The following FANCM variants were observed in gnomAD, a reference collection of about 807,000 sequenced individuals.
FANCM encodes Fanconi anemia group M protein.
FANCM carries 140 observed loss-of-function variants against 199.5 expected under a neutral mutation model. That is an observed-to-expected ratio of 0.70 (90% CI 0.61 to 0.81). The LOEUF (loss-of-function observed/expected upper bound fraction) is 0.81, where lower values mean the gene tolerates loss of function less well. Among genes scored for constraint, FANCM ranks in the 30% least tolerant of loss-of-function variants. FANCM has a pLI of 0.00. For missense variants in FANCM, 2,410 were observed against 2,421.4 expected, an observed-to-expected ratio of 1.00 and a Z score of 0.10; for synonymous variants, 840 against 836.8, an observed-to-expected ratio of 1.00 and a Z score of -0.07.
At chr14:45,193,657 C>T (rs2139311464) in intron 20 of FANCM, among the ~76,000 whole-genome samples, 1 of 152,188 alleles carries the variant, frequency 6.6e-6, no homozygotes, top group East Asian at 1.9e-4. Context: ...TTTCTAGGCT[C>T]TCAGTTCTTT....
In FANCM at chr14:45,176,235, G is replaced by A. The variant is rs2139248851; in HGVS notation, c.3481G>A (p.Val1161Met). 6.2e-7 allele frequency: 1 copy of A among 1,614,024 alleles called. No individual in the cohort carries two copies. Residue 1161 changes from valine to methionine, a missense_variant, in exon 14 of 23, where the codon GTG (valine) becomes ATG (methionine). By Grantham distance (21) the Val-to-Met change is conservative. Transcript: ENST00000267430. ...GAACAGTAAAAGCGAATCTTTACCT[G>A]TGTCAGACAAAACTGCTATTAGTGA... is the stretch of plus-strand genomic sequence containing the variant. ...PLNSKSESLP[V>M]SDKTAISETP...
intron 8 of FANCM, among the ~76,000 whole-genome samples, chr14:45,156,553 A>G (rs1887201781): frequency 6.6e-6 from 1 of 152,120 alleles, no homozygotes; most frequent in Admixed American, 6.6e-5. Context: ...TGGGAGATAG[A>G]TTCTAGATAT....
In FANCM at chr14:45,175,570, G is replaced by C. The variant is rs2139244047; in HGVS notation, c.2816G>C (p.Gly939Ala). 6.2e-7 allele frequency: 1 copy of C among 1,613,508 alleles called. No homozygotes were observed. The highest frequency in any genetic ancestry group is 8.5e-7 in the Non-Finnish European group (1 of 1,179,666). Residue 939 changes from glycine (G) to alanine (A), a missense_variant, in exon 14 of 23, where the codon GGA becomes GCA. Transcript: ENST00000267430. ...FTNKSTSSLA[G>A]NVLDSGYNSF... ...AATAAATCCACTAGTTCACTTGCTGGAAATGTTTTAGATTCTGGTTATAAC... is the reference window on the plus strand; with the variant it reads ...AATAAATCCACTAGTTCACTTGCTGCAAATGTTTTAGATTCTGGTTATAAC...
At chr14:45,194,767 A>G (rs1393304355) in intron 20 of FANCM, among the ~76,000 whole-genome samples, 2 of 150,004 alleles carry the variant, frequency 1.3e-5, no homozygotes, top group Admixed American at 6.6e-5. Context: ...AAGTAAATGC[A>G]TATGTAATGT....
chr14:45,168,620 CTT>C (rs1888134952), intron 11 of FANCM, among the ~76,000 whole-genome samples: 1 of 147,640 alleles, frequency 6.8e-6, no homozygotes, highest in African/African-American at 2.6e-5. Context: ...AAAGATTTAT[CTT>C]AGATTATGTG....
intron 14 of FANCM, among the ~76,000 whole-genome samples, chr14:45,179,319 C>G (rs912634497): frequency 1.3e-5 from 2 of 152,246 alleles, no homozygotes; most frequent in East Asian, 1.9e-4. Context: ...TCAGCTCACC[C>G]TCAGCTTCAT....
intron 4 of FANCM, 47 bp downstream of exon 4, chr14:45,149,042 A>C (rs1349446714): frequency 1.5e-6 from 2 of 1,356,078 alleles, no homozygotes; most frequent in Non-Finnish European, 2.1e-6. Context: ...TAAACTGGTA[A>C]TTGAATTATT....
rs1323439955 is a variant in FANCM, at chr14:45,200,314, C to G, written c.*306C>G. On this transcript the variant is annotated 3_prime_UTR_variant, in exon 23 of 23. Transcript: ENST00000267430. ...TAGAGATATACTTTGGAATGTTTCC[C>G]AAAATTAAAGTTGTACTGTTGTGAT... is the stretch of plus-strand genomic sequence containing the variant. 6.2e-6 allele frequency: 1 copy of G among 160,982 alleles called. No homozygotes were observed. The highest frequency in any genetic ancestry group is 2.4e-5 in the African/African-American group (1 of 41,494). The allele number at this position is 160,982 out of a possible 1,614,324, so 10.0% of individuals were successfully genotyped here.
chr14:45,178,304 G>A (rs1888842983), intron 14 of FANCM, among the ~76,000 whole-genome samples: 1 of 152,134 alleles, frequency 6.6e-6, no homozygotes, highest in Admixed American at 6.5e-5. Context: ...ATGCCTGTGA[G>A]CCTTCAATAT....
intron 9 of FANCM, among the ~76,000 whole-genome samples, chr14:45,163,318 A>G (rs1343799907): frequency 6.6e-6 from 1 of 152,240 alleles, no homozygotes; most frequent in Non-Finnish European, 1.5e-5. Context: ...TTAGTTTGGT[A>G]CCTGGCACAT....
Position 45,148,973 on chromosome 14 carries a change from C to G in FANCM, c.896C>G (p.Ala299Gly), listed in dbSNP as rs773392368. The G allele has an allele frequency of 6.2e-7, 1 of 1,613,616 alleles. No homozygotes were observed. ...GTTCCGCTTGGTGAAGAACTTGCAG[C>G]CATCCAAAAGACCTATATCCAGGTA... ...LIVPLGEELAAIQKTYIQILE... is the reference protein window; with the variant it reads ...LIVPLGEELAGIQKTYIQILE... The change falls in exon 4 of 23, where the codon GCC becomes GGC. Residue 299 changes from alanine (A) to glycine (G), a missense_variant. Ala to Gly is a moderately conservative substitution (Grantham distance 60). Transcript: ENST00000267430.
At chr14:45,171,202 A>C (rs111903399) in intron 12 of FANCM, among the ~76,000 whole-genome samples, 13,776 of 150,202 alleles carry the variant, frequency 0.092, 784 homozygotes, top group South Asian at 0.2. Context: ...CAGCTCCTGG[A>C]CTCAAGTGAT....
chr14:45,155,530 G>A, intron 8 of FANCM, 71 bp downstream of exon 8: 1 of 827,164 alleles, frequency 1.2e-6, no homozygotes, highest in South Asian at 1.4e-5. Flanking sequence ...TTATGGCTGG[G>A]TGCAGTGGTT....
At chr14:45,194,067 C>T (rs913230487) in intron 20 of FANCM, among the ~76,000 whole-genome samples, 3 of 151,868 alleles carry the variant, frequency 2.0e-5, no homozygotes, top group African/African-American at 7.3e-5. Flanking sequence ...TTTGGGAGGC[C>T]GAGGTGGGTG....
At position 45,135,935 on chromosome 14, in the gene FANCM, G is replaced by C. The variant is rs1022112762; in HGVS notation, c.-97G>C. ...CTTAGTCCCGCCTTCTCGTTCCAGA[G>C]TTTTGTGCGAAGGAAACCGATGGGG... On this transcript the variant is annotated 5_prime_UTR_variant, in exon 1 of 23. Transcript: ENST00000267430. 3.1e-5 allele frequency: 42 copies of C among 1,361,274 alleles called. No individual in the cohort carries two copies. The highest frequency in any genetic ancestry group is 4.3e-5 in the African/African-American group (3 of 70,344). The allele number at this position is 1,361,274 out of a possible 1,614,324, so 84.3% of individuals were successfully genotyped here.
Position 45,189,084 on chromosome 14 carries a change from A to G in FANCM, c.5062A>G (p.Ile1688Val), listed in dbSNP as rs1405646911. ...TGTAAATGATAAAAGAGAATCTAAT[A>G]TTGCGGTTAACCCAAGCACTGTTAA... is the stretch of plus-strand genomic sequence containing the variant. The part of the protein sequence containing the change: ...NNVNDKRESN[I>V]AVNPSTVKKN... The change falls in exon 20 of 23, where the codon ATT (isoleucine) becomes GTT (valine). Residue 1688 changes from isoleucine (I) to valine (V), a missense_variant. Physicochemically the swap from Ile to Val is conservative, Grantham distance 29. Coordinates refer to ENST00000267430, the MANE Select transcript of FANCM (RefSeq NM_020937.4). 1.2e-6 allele frequency: 2 copies of G among 1,614,084 alleles called. No individual in the cohort carries two copies. The highest frequency in any genetic ancestry group is 2.2e-5 in the East Asian group (1 of 44,894).
At chr14:45,199,783 T>C (rs1890261471) in intron 22 of FANCM, 87 bp from the exon 23 acceptor site, 1 of 1,146,272 alleles carries the variant, frequency 8.7e-7, no homozygotes, top group African/African-American at 1.5e-5. Flanking sequence ...CCTTAAAGGC[T>C]ACTGTGTTTG....
At chr14:45,154,398 TAAAAA>T (rs5808292) in intron 6 of FANCM, among the ~76,000 whole-genome samples, 4 of 125,992 alleles carry the variant, frequency 3.2e-5, no homozygotes, top group Admixed American at 8.1e-5. Context: ...GAGACTGTCT[TAAAAA>T]AAAAAAAAAA....
intron 17 of FANCM, among the ~76,000 whole-genome samples, 169 bp from the exon 18 acceptor site, chr14:45,185,048 C>T (rs1207962971): frequency 1.3e-5 from 2 of 151,902 alleles, no homozygotes; most frequent in Admixed American, 1.3e-4. Flanking sequence ...TCCCATAGTG[C>T]TGGGATTACA....
Sources: gnomAD v4.1 joint callset for allele counts (sites outside exome capture counted in the v4.1 genomes callset) on GRCh38, gnomAD v4.1.1 for gene constraint, MANE v1.5 for transcripts, NCBI Gene and HGNC (gene_info 2026-07-23, HGNC 2026-07-21) for gene names.